The following CADPS variants were observed in gnomAD, a reference collection of about 807,000 sequenced individuals.
CADPS encodes calcium dependent secretion activator.
Under a neutral mutation model 167.3 loss-of-function variants are expected in CADPS, and 57 were observed. That is an observed-to-expected ratio of 0.34 (90% CI 0.28 to 0.42). CADPS has a LOEUF of 0.42. CADPS is among the 20% of genes least tolerant of loss of function. The pLI is 1.00. For synonymous variants in CADPS, 676 were observed against 635.3 expected, an observed-to-expected ratio of 1.06 and a Z score of -0.96; for missense variants, 1,414 against 1,738.1, an observed-to-expected ratio of 0.81 and a Z score of 3.32.
chr3:62,662,846 A>G (rs1374096238), intron 3 of CADPS, among the ~76,000 whole-genome samples: 1 of 152,186 alleles, frequency 6.6e-6, no homozygotes, highest in African/African-American at 2.4e-5. Flanking sequence ...ATGGAGGATT[A>G]ATAAGTCATT....
chr3:62,564,360 C>T (rs989052939), intron 9 of CADPS, among the ~76,000 whole-genome samples: 3 of 152,126 alleles, frequency 2.0e-5, no homozygotes, highest in Non-Finnish European at 2.9e-5. Context: ...GCCACTTATC[C>T]ACTCTGAGCC....
chr3:62,705,688 G>C (rs1387899832), intron 3 of CADPS, among the ~76,000 whole-genome samples: 1 of 152,120 alleles, frequency 6.6e-6, no homozygotes, highest in Non-Finnish European at 1.5e-5. Flanking sequence ...TGGACCCTAA[G>C]TTCTTCAGCT....
chr3:62,865,717 T>C (rs1241779884), intron 1 of CADPS, among the ~76,000 whole-genome samples: 1 of 152,158 alleles, frequency 6.6e-6, no homozygotes, highest in Non-Finnish European at 1.5e-5. Flanking sequence ...TTACTTTTTA[T>C]TGATGTTTTC....
chr3:62,753,366 C>A lies in CADPS; in HGVS notation c.888+75G>T. 1.8e-6 allele frequency: 2 copies of A among 1,109,694 alleles called. No individual in the cohort carries two copies. Among genetic ancestry groups the A allele is most frequent in the South Asian group, 1.5e-5 (1 of 66,084 alleles). The allele number at this position is 1,109,694 out of a possible 1,614,324, so 68.7% of individuals were successfully genotyped here. On this transcript the variant is annotated intron_variant, in intron 3 of 29. Transcript: ENST00000383710. The surrounding 1 kb of genome is among the most constrained non-coding windows in gnomAD (Gnocchi z 4.6). ...GTTTTAATCCTTTTTTTAAAAAAAT[C>A]AAGAAGTATCTCATAGAAGTTGGAA... is the stretch of plus-strand genomic sequence containing the variant.
At chr3:62,696,868 A>G (rs527308317) in intron 3 of CADPS, among the ~76,000 whole-genome samples, 1 of 152,064 alleles carries the variant, frequency 6.6e-6, no homozygotes. Context: ...GCATATCTAG[A>G]GCACCCCTCC....
chr3:62,823,199 A>T (rs1022466013), intron 1 of CADPS, among the ~76,000 whole-genome samples: 12 of 152,190 alleles, frequency 7.9e-5, no homozygotes, highest in Non-Finnish European at 1.8e-4. Flanking sequence ...AGGTGGTAAG[A>T]CTTAAACCAA....
Position 62,874,644 on chromosome 3 carries a change from ATGCAGCGCATCACGAACACATACAGC to A in CADPS, c.360_385del (p.Gln120HisfsTer6). 6.4e-7 allele frequency: 1 copy of A among 1,560,084 alleles called. No individual in the cohort carries two copies. The highest frequency in any genetic ancestry group is 8.7e-7 in the Non-Finnish European group (1 of 1,151,378). On this transcript the variant is annotated frameshift_variant, in exon 1 of 30. Coordinates refer to ENST00000383710, the MANE Select transcript of CADPS (RefSeq NM_003716.4). LOFTEE classifies it high-confidence loss of function. The surrounding 1 kb of genome is among the most constrained non-coding windows in gnomAD (Gnocchi z 7.1). ...CTGCTTGGCATTAAAGGGGTAGGCGATGCAGCGCATCACGAACACATACAGCTGCAGCCTCTTCTTCCTCTCCTCCT... is the reference window on the plus strand; with the variant it reads ...CTGCTTGGCATTAAAGGGGTAGGCGATGCAGCCTCTTCTTCCTCTCCTCCT...
intron 6 of CADPS, among the ~76,000 whole-genome samples, chr3:62,598,893 G>A (rs1178337479): frequency 6.6e-6 from 1 of 152,138 alleles, no homozygotes; most frequent in Non-Finnish European, 1.5e-5. Flanking sequence ...GGCCACTCTG[G>A]CTTTTTACTT....
chr3:62,570,036 C>A (rs1413796292), intron 9 of CADPS, among the ~76,000 whole-genome samples: 1 of 152,092 alleles, frequency 6.6e-6, no homozygotes, highest in East Asian at 1.9e-4. Flanking sequence ...TCCGCATCTA[C>A]ATTTGTATCC....
intron 28 of CADPS, among the ~76,000 whole-genome samples, chr3:62,427,052 G>A (rs1477043312): frequency 2.7e-5 from 4 of 149,220 alleles, no homozygotes; most frequent in African/African-American, 7.4e-5. Context: ...TCCAGCCTGG[G>A]TGACAGAGCG....
intron 28 of CADPS, among the ~76,000 whole-genome samples, chr3:62,415,528 C>T (rs1305434970): frequency 1.3e-5 from 2 of 152,110 alleles, no homozygotes; most frequent in Admixed American, 6.5e-5. Flanking sequence ...ACTCGACATT[C>T]AAAAGCTGAC....
chr3:62,515,959 C>T (rs9863956), intron 16 of CADPS, 100 bp downstream of exon 16: 101,658 of 1,428,782 alleles, frequency 0.071, 5,581 homozygotes, highest in African/African-American at 0.28. Flanking sequence ...TATACTCAGA[C>T]GGACCACTGT....
At chr3:62,409,581 C>T (rs1167596796) in intron 28 of CADPS, among the ~76,000 whole-genome samples, 2 of 152,182 alleles carry the variant, frequency 1.3e-5, no homozygotes. Context: ...AGTCCGAAGG[C>T]TACCATTTCT....
At chr3:62,780,016 T>A (rs1256542539) in intron 1 of CADPS, among the ~76,000 whole-genome samples, 2 of 152,216 alleles carry the variant, frequency 1.3e-5, no homozygotes, top group African/African-American at 4.8e-5. Flanking sequence ...TGAGGGCTAG[T>A]GGCTACCACA....
chr3:62,413,907 T>G (rs2049494277), intron 28 of CADPS, among the ~76,000 whole-genome samples: 1 of 150,508 alleles, frequency 6.6e-6, no homozygotes, highest in Non-Finnish European at 1.5e-5. Context: ...AAAAAAAAAA[T>G]CTTTGTAAGA....
intron 1 of CADPS, among the ~76,000 whole-genome samples, chr3:62,866,411 CCTA>C (rs1414657616): frequency 1.3e-5 from 2 of 151,984 alleles, no homozygotes; most frequent in Non-Finnish European, 2.9e-5. Flanking sequence ...TTACTGAACA[CCTA>C]CTACATGTCA....
chr3:62,814,575 T>C (rs1432864968), intron 1 of CADPS: 1 of 152,192 alleles, frequency 6.6e-6, no homozygotes, highest in Non-Finnish European at 1.5e-5. Context: ...GTACGGTGCA[T>C]CTTGGTATGG....
chr3:62,820,232 T>C (rs1227129005), intron 1 of CADPS, among the ~76,000 whole-genome samples: 1 of 152,148 alleles, frequency 6.6e-6, no homozygotes, highest in Non-Finnish European at 1.5e-5. Flanking sequence ...AATCTGAAAA[T>C]GTACAGGTGT....
chr3:62,527,733 G>T (rs772802871), intron 13 of CADPS, among the ~76,000 whole-genome samples: 1 of 152,102 alleles, frequency 6.6e-6, no homozygotes, highest in Non-Finnish European at 1.5e-5. Context: ...TGCCTCTGCC[G>T]GTGGAAATGC....
Sources: gnomAD v4.1 joint callset for allele counts (sites outside exome capture counted in the v4.1 genomes callset) on GRCh38, gnomAD v4.1.1 for gene constraint, Gnocchi (gnomAD v3.1) non-coding constraint, MANE v1.5 for transcripts, NCBI Gene and HGNC (gene_info 2026-07-23, HGNC 2026-07-21) for gene names.